FUT8: variants seen among roughly 807,000 people sequenced by gnomAD.
FUT8 encodes the protein fucosyltransferase 8, also known as alpha-(1,6)-fucosyltransferase.
FUT8 carries 29 observed loss-of-function variants against 71.3 expected under a neutral mutation model. The observed-to-expected ratio is 0.41, with a 90% CI of 0.30 to 0.55. The LOEUF (loss-of-function observed/expected upper bound fraction) is 0.55, where lower values mean the gene tolerates loss of function less well. FUT8 is among the 20% of genes least tolerant of loss of function. The probability of loss-of-function intolerance (pLI) is 0.34; values close to 1 mark genes in which losing one functional copy is unlikely to be tolerated. For synonymous variants in FUT8, 254 were observed against 239.3 expected, an observed-to-expected ratio of 1.06 and a Z score of -0.57; for missense variants, 544 against 702.1, an observed-to-expected ratio of 0.77 and a Z score of 2.55.
Position 65,615,968 on chromosome 14 carries a change from T to G in FUT8, c.204-10T>G. ...AGCTAAATGTTTACATTATCTTCCC[T>G]AAACTACAGGATACCAGAAGGCCCT... On this transcript the variant is annotated splice_polypyrimidine_tract_variant and intron_variant, in intron 3 of 10. Coordinates refer to ENST00000673929, the MANE Select transcript of FUT8 (RefSeq NM_001371533.1). The G allele has an allele frequency of 6.3e-7, 1 of 1,587,256 alleles. No homozygotes were observed. Among genetic ancestry groups the G allele is most frequent in the Non-Finnish European group, 8.6e-7 (1 of 1,162,662 alleles).
chr14:65,392,211 C>T, the FUT8 span, among the ~76,000 whole-genome samples: 1 of 152,218 alleles, frequency 6.6e-6, no homozygotes. Context: ...GGATTACAGG[C>T]ATGAGCCACC....
Position 65,687,938 on chromosome 14 carries a change from C to T in FUT8, c.835+18458C>T, listed in dbSNP as rs551604578. Among the ~76,000 whole-genome samples the T allele has an allele frequency of 2.6e-4, 40 of 152,268 alleles. No homozygotes were observed. The Middle Eastern group carries it at 0.024, about 91-fold the overall frequency. On this transcript the variant is annotated intron_variant, in intron 7 of 10. Transcript: ENST00000673929. ...TAGAGACAGGTCTTGCTATGTTGCC[C>T]GGGCTGGTCATGAACTCCTGGCTTG...
intron 6 of FUT8, chr14:65,636,421 T>C (rs1204768464): frequency 6.6e-6 from 1 of 152,206 alleles, no homozygotes; most frequent in East Asian, 1.9e-4. Context: ...TCTAGTTCCT[T>C]GAGGTGTGAC....
intron 1 of FUT8, among the ~76,000 whole-genome samples, chr14:65,437,020 CCATTTACTG>C (rs1566746238): frequency 2.0e-5 from 3 of 152,360 alleles, no homozygotes; most frequent in Admixed American, 1.3e-4. Context: ...CTCAACTCTG[CCATTTACTG>C]CATGAGTGAC....
chr14:65,466,992 A>T (rs1333223899), intron 2 of FUT8, among the ~76,000 whole-genome samples: 1 of 152,210 alleles, frequency 6.6e-6, no homozygotes, highest in East Asian at 1.9e-4. Context: ...ATTATTTTGA[A>T]CAAGTTGTTA....
At chr14:65,500,269 G>A (rs2066625508) in intron 2 of FUT8, among the ~76,000 whole-genome samples, 2 of 152,124 alleles carry the variant, frequency 1.3e-5, no homozygotes, top group Middle Eastern at 6.8e-3. Flanking sequence ...GATATTTTTT[G>A]TTCTTTATGC....
chr14:65,642,924 T>C (rs1399523608), intron 6 of FUT8, among the ~76,000 whole-genome samples: 1 of 152,198 alleles, frequency 6.6e-6, no homozygotes, highest in Admixed American at 6.5e-5. Context: ...ACATAAAGTA[T>C]CATGTCATCT....
intron 5 of FUT8, among the ~76,000 whole-genome samples, chr14:65,623,863 C>A (rs1431727352): frequency 6.6e-6 from 1 of 152,166 alleles, no homozygotes; most frequent in Non-Finnish European, 1.5e-5. Context: ...CATACTAGGT[C>A]TTTAGTATGC....
At position 65,455,726 on chromosome 14, in the gene FUT8, T is replaced by C. The variant is rs1241768740; in HGVS notation, c.-228+8T>C. The stretch of plus-strand genomic sequence containing the variant: ...TTAACTGGACAAATTCAGGTTAGTG[T>C]ATTTTGTGGACAGCACTTCCCTGTT... On this transcript the variant is annotated splice_region_variant and intron_variant, in intron 2 of 10. Coordinates refer to ENST00000673929, the MANE Select transcript of FUT8 (RefSeq NM_001371533.1). 1 of 398,258 alleles carries C rather than the reference T, an allele frequency of 2.5e-6. No homozygotes were observed. Among genetic ancestry groups the C allele is most frequent in the Non-Finnish European group, 4.4e-6 (1 of 225,860 alleles). The allele number at this position is 398,258 out of a possible 1,614,324, so 24.7% of individuals were successfully genotyped here.
intron 1 of FUT8, among the ~76,000 whole-genome samples, chr14:65,443,720 A>T (rs1370452467): frequency 6.9e-5 from 1 of 14,516 alleles, no homozygotes; most frequent in African/African-American, 3.1e-4. Flanking sequence ...ACCTCTAATA[A>T]AAAAAAAAAA....
chr14:65,709,525 A>G (rs531596037), intron 7 of FUT8, among the ~76,000 whole-genome samples: 2 of 152,242 alleles, frequency 1.3e-5, no homozygotes, highest in East Asian at 3.9e-4. Flanking sequence ...ACACTGGATA[A>G]TTGTTTGGTT....
At chr14:65,382,170 TC>T in the FUT8 span, among the ~76,000 whole-genome samples, 2 of 152,192 alleles carry the variant, frequency 1.3e-5, no homozygotes, top group African/African-American at 4.8e-5. Flanking sequence ...GTGCTCTTTA[TC>T]ACCTCTCTGT....
intron 2 of FUT8, among the ~76,000 whole-genome samples, chr14:65,506,374 TA>T (rs2066734462): frequency 6.6e-6 from 1 of 152,240 alleles, no homozygotes. Flanking sequence ...TACAGTGGAC[TA>T]AGATTTTCTA....
intron 2 of FUT8, among the ~76,000 whole-genome samples, chr14:65,555,603 T>C (rs1885545969): frequency 6.6e-6 from 1 of 152,230 alleles, no homozygotes; most frequent in Non-Finnish European, 1.5e-5. Context: ...GGCTGTGTTT[T>C]GTTTGGGTTC....
chr14:65,728,373 G>A (rs567226644), intron 9 of FUT8, among the ~76,000 whole-genome samples: 4 of 152,346 alleles, frequency 2.6e-5, no homozygotes, highest in South Asian at 2.1e-4. Context: ...GATGGAAGGC[G>A]AAAGGCGTGA....
chr14:65,525,733 A>G (rs929753164), intron 2 of FUT8, among the ~76,000 whole-genome samples: 2 of 152,178 alleles, frequency 1.3e-5, no homozygotes, highest in African/African-American at 4.8e-5. Flanking sequence ...ACTGCTTTAA[A>G]TGTGTCCCAG....
At chr14:65,732,112 C>T (rs1896011407) in intron 9 of FUT8, among the ~76,000 whole-genome samples, 1 of 152,134 alleles carries the variant, frequency 6.6e-6, no homozygotes, top group African/African-American at 2.4e-5. Flanking sequence ...TCTTCATCTC[C>T]TTGATTTTGA....
At chr14:65,402,019 C>A in the FUT8 span, among the ~76,000 whole-genome samples, 1 of 151,714 alleles carries the variant, frequency 6.6e-6, no homozygotes, top group Non-Finnish European at 1.5e-5. Context: ...GCCTCAGTAT[C>A]CGACAGTGTT....
At chr14:65,616,403 G>C in intron 5 of FUT8, 30 bp downstream of exon 5, 1 of 1,512,374 alleles carries the variant, frequency 6.6e-7, no homozygotes, top group South Asian at 1.3e-5. Flanking sequence ...TTTTATTTGG[G>C]CTTTAGAAAA....
Sources: allele counts gnomAD v4.1 joint callset (sites outside exome capture counted in the v4.1 genomes callset), GRCh38; gene constraint gnomAD v4.1.1; transcripts MANE v1.5; gene names NCBI Gene and HGNC (gene_info 2026-07-23, HGNC 2026-07-21).